Variants in CENPU observed in about 807,000 individuals in gnomAD.
CENPU encodes centromere protein U.
CENPU carries 46 observed loss-of-function variants against 56.7 expected under a neutral mutation model. The ratio of observed to expected loss-of-function variants is 0.81; its 90% CI spans 0.64 to 1.04. CENPU has a LOEUF of 1.04. Among genes scored for constraint, CENPU ranks in the 50% least tolerant of loss-of-function variants. The pLI, the probability that CENPU is intolerant of heterozygous loss-of-function variation, is 0.00. For missense variants in CENPU, 510 were observed against 490.1 expected, an observed-to-expected ratio of 1.04 and a Z score of -0.38; for synonymous variants, 166 against 163.0, an observed-to-expected ratio of 1.02 and a Z score of -0.14.
intron 11 of CENPU, among the ~76,000 whole-genome samples, chr4:184,700,211 C>T (rs762633215): frequency 1.3e-5 from 2 of 152,130 alleles, no homozygotes; most frequent in Non-Finnish European, 2.9e-5. Context: ...GCAGCCCTGG[C>T]CTGCAGGGCC....
intron 8 of CENPU, among the ~76,000 whole-genome samples, chr4:184,704,772 G>T (rs929473142): frequency 6.6e-6 from 1 of 152,148 alleles, no homozygotes; most frequent in Non-Finnish European, 1.5e-5. Context: ...GATTGCTGGG[G>T]GAGGGAGGAA....
chr4:184,696,706 A>T (rs887777059), intron 12 of CENPU, among the ~76,000 whole-genome samples: 29 of 150,826 alleles, frequency 1.9e-4, no homozygotes, highest in Admixed American at 1.9e-3. Context: ...ATATTATATA[A>T]AATTATATTA....
At chr4:184,730,807 C>A in intron 2 of CENPU, 113 bp downstream of exon 2, 3 of 663,038 alleles carry the variant, frequency 4.5e-6, no homozygotes, top group Non-Finnish European at 7.5e-6. Context: ...CACACTTTTT[C>A]ACTACAATAA....
chr4:184,714,982 G>C (rs1761041640), intron 6 of CENPU, among the ~76,000 whole-genome samples: 1 of 152,126 alleles, frequency 6.6e-6, no homozygotes. Context: ...GAACACAAGT[G>C]CACATGGGAT....
rs139303890 is a variant in CENPU, at chr4:184,699,999, A to G, written c.986+821T>C. Among the ~76,000 whole-genome samples the G allele has an allele frequency of 4.1e-3, 619 of 152,332 alleles. 6 individuals are homozygous for G. The highest frequency in any genetic ancestry group is 0.014 in the African/African-American group (593 of 41,580). On this transcript the variant is annotated intron_variant, in intron 11 of 12. Coordinates refer to ENST00000281453, the MANE Select transcript of CENPU (RefSeq NM_024629.4). ...AAACTTAGTTTTGAGTGAGTTTTTA[A>G]AAGTTTCAACTTTTCATTATGCACA...
chr4:184,697,843 C>T (rs778309809), intron 11 of CENPU, 40 bp from the exon 12 acceptor site: 3 of 1,528,854 alleles, frequency 2.0e-6, no homozygotes, highest in Non-Finnish European at 2.6e-6. Context: ...AATGTACCAG[C>T]CTATCGTGGT....
chr4:184,713,804 C>T (rs925590209), intron 6 of CENPU: 4 of 152,202 alleles, frequency 2.6e-5, no homozygotes, highest in African/African-American at 9.7e-5. Context: ...CATACAATTT[C>T]TAGATGGGGT....
chr4:184,728,460 G>A (rs1761530081), intron 3 of CENPU, among the ~76,000 whole-genome samples: 1 of 152,082 alleles, frequency 6.6e-6, no homozygotes, highest in South Asian at 2.1e-4. Context: ...CACACTCCTG[G>A]CCAGCCTGGT....
At chr4:184,726,073 TAA>T (rs1254454120) in intron 3 of CENPU, among the ~76,000 whole-genome samples, 1 of 152,162 alleles carries the variant, frequency 6.6e-6, no homozygotes, top group African/African-American at 2.4e-5. Flanking sequence ...TTTTTTCAAC[TAA>T]ACAGCTGCTT....
At position 184,694,848 on chromosome 4, in the gene CENPU, T is replaced by G; in HGVS notation, c.*440A>C. The G allele has an allele frequency of 7.5e-7, 1 of 1,337,694 alleles. No homozygotes were observed. The highest frequency in any genetic ancestry group is 1.3e-5 in the South Asian group (1 of 75,634). 82.9% of individuals were successfully genotyped at this position (1,337,694 alleles called of 1,614,324 possible). On this transcript the variant is annotated 3_prime_UTR_variant, in exon 13 of 13. Coordinates refer to ENST00000281453, the MANE Select transcript of CENPU (RefSeq NM_024629.4). ...TGATGTCTGTGAGATTTGATAAATA[T>G]ATCATTCAACCTGTTTATATAAACT... is the stretch of plus-strand genomic sequence containing the variant.
intron 1 of CENPU, among the ~76,000 whole-genome samples, 174 bp from the exon 2 acceptor site, chr4:184,731,142 T>G (rs1761630168): frequency 6.6e-6 from 1 of 151,994 alleles, no homozygotes; most frequent in South Asian, 2.1e-4. Flanking sequence ...ATAACATACC[T>G]CTCCCCCTCA....
chr4:184,729,450 A>T (rs2150231716), intron 2 of CENPU, among the ~76,000 whole-genome samples: 1 of 152,400 alleles, frequency 6.6e-6, no homozygotes, highest in East Asian at 1.9e-4. Context: ...GTAACCACAC[A>T]GAAAAGAATG....
intron 2 of CENPU, among the ~76,000 whole-genome samples, chr4:184,729,770 G>A (rs2150231989): frequency 6.6e-6 from 1 of 152,194 alleles, no homozygotes; most frequent in East Asian, 1.9e-4. Context: ...AGGACACCAG[G>A]GTTTAGAGTT....
chr4:184,710,087 G>A lies in CENPU; in HGVS notation c.782C>T (p.Thr261Ile), dbSNP rs138364360. The A allele has an allele frequency of 1.1e-5, 17 of 1,606,904 alleles. No homozygotes were observed. The highest frequency in any genetic ancestry group is 9.4e-5 in the African/African-American group (7 of 74,776). The change falls in exon 8 of 13, where the codon ACC (threonine) becomes ATC (isoleucine). Residue 261 changes from threonine (T) to isoleucine (I), a missense_variant. By Grantham distance (89) the Thr-to-Ile change is moderately conservative. Coordinates refer to ENST00000281453, the MANE Select transcript of CENPU (RefSeq NM_024629.4). ...LNIVLPEFEK[T>I]HLEHQQRIES... ...AAAGACTTACTGATGCTCTAGGTGG[G>A]TTTTCTCAAATTCAGGCAAAACAAT... is the stretch of plus-strand genomic sequence containing the variant.
chr4:184,714,525 T>C (rs1761026685), intron 6 of CENPU, among the ~76,000 whole-genome samples: 1 of 152,254 alleles, frequency 6.6e-6, no homozygotes, highest in Non-Finnish European at 1.5e-5. Flanking sequence ...GTTATGTAAT[T>C]ACATGTATGT....
intron 3 of CENPU, among the ~76,000 whole-genome samples, chr4:184,725,761 CAG>C (rs1761428905): frequency 6.6e-6 from 1 of 152,038 alleles, no homozygotes; most frequent in African/African-American, 2.4e-5. Flanking sequence ...TCTGGGATGC[CAG>C]AGCCTTTAGA....
intron 11 of CENPU, 126 bp downstream of exon 11, chr4:184,700,694 G>C (rs1760504938): frequency 1.2e-6 from 1 of 833,342 alleles, no homozygotes; most frequent in South Asian, 1.4e-5. Context: ...CCTTCACTGA[G>C]TATCGGAGCT....
In CENPU at chr4:184,699,696, T is replaced by C. The variant is rs1760467171; in HGVS notation, c.986+1124A>G. On this transcript the variant is annotated intron_variant, in intron 11 of 12. Transcript: ENST00000281453. The stretch of plus-strand genomic sequence containing the variant: ...TTTTTTTTGAGACACAGTTTCACTC[T>C]GTCACCCAGGCTGGAGTGCACTGGC... 1.0e-5 allele frequency: 11 copies of C among 1,077,752 alleles called. No homozygotes were observed. The South Asian group carries it at 1.2e-4, about 12-fold the overall frequency. 66.8% of individuals were successfully genotyped at this position (1,077,752 alleles called of 1,614,324 possible).
At chr4:184,698,121 G>A (rs370579860) in intron 11 of CENPU, 1 of 232,766 alleles carries the variant, frequency 4.3e-6, no homozygotes. Context: ...GACATTCAGA[G>A]GCTCGCACCA....
Sources: gnomAD v4.1 joint callset for allele counts (sites outside exome capture counted in the v4.1 genomes callset) on GRCh38, gnomAD v4.1.1 for gene constraint, MANE v1.5 for transcripts, NCBI Gene and HGNC (gene_info 2026-07-23, HGNC 2026-07-21) for gene names.